Variants in GINS2 observed in about 807,000 individuals in gnomAD.
The protein encoded by GINS2 is DNA replication complex GINS protein PSF2.
A neutral mutation model predicts 21.2 loss-of-function variants in GINS2; 23 were observed. The observed-to-expected ratio is 1.08, with a 90% CI of 0.78 to 1.53. The LOEUF (loss-of-function observed/expected upper bound fraction) is 1.53. Ranked by LOEUF, GINS2 falls within the 40% of genes most tolerant of loss-of-function variation. The probability of loss-of-function intolerance (pLI) is 0.00; values close to 1 mark genes in which losing one functional copy is unlikely to be tolerated. For missense variants in GINS2, 323 were observed against 233.9 expected (o/e 1.38, Z -2.49); for synonymous variants, 118 against 85.6 (o/e 1.38, Z -2.09).
At chr16:85,686,324 G>C (rs1437754069) in intron 2 of GINS2, among the ~76,000 whole-genome samples, 1 of 151,860 alleles carries the variant, frequency 6.6e-6, no homozygotes, top group Non-Finnish European at 1.5e-5. Flanking sequence ...AGGCTGACGC[G>C]GGAGAATGGT....
Position 85,677,829 on chromosome 16 carries a change from C to T in GINS2, c.*383G>A, listed in dbSNP as rs1396152623. ...TCAGGATCAAGAAGGGGTAAAAAGC[C>T]GTGGACCACATGGCCACTCCTGCTG... On this transcript the variant is annotated 3_prime_UTR_variant, in exon 5 of 5. Transcript: ENST00000253462. 1.2e-5 allele frequency: 2 copies of T among 170,696 alleles called. No individual in the cohort carries two copies. Among genetic ancestry groups the T allele is most frequent in the East Asian group, 3.5e-4 (2 of 5,768 alleles). 10.6% of individuals were successfully genotyped at this position (170,696 alleles called of 1,614,324 possible). A position where few individuals can be genotyped will look rare whatever the true frequency, so the allele number is the denominator to read the frequency against.
chr16:85,678,949 G>C (rs539736311), intron 3 of GINS2, among the ~76,000 whole-genome samples: 1 of 152,232 alleles, frequency 6.6e-6, no homozygotes, highest in Non-Finnish European at 1.5e-5. Flanking sequence ...CTCTAAGTCA[G>C]AAGCCTCTGT....
chr16:85,687,899 C>T (rs1598764305), intron 1 of GINS2: 5 of 197,006 alleles, frequency 2.5e-5, no homozygotes, highest in South Asian at 3.1e-4. Flanking sequence ...TCCTGGGGTG[C>T]GGGGAGGTGG....
At chr16:85,680,478 G>T (rs544672321) in intron 3 of GINS2, among the ~76,000 whole-genome samples, 4 of 152,106 alleles carry the variant, frequency 2.6e-5, no homozygotes, top group Admixed American at 6.6e-5. Context: ...TATCTCCCAA[G>T]CAAAATTATC....
intron 2 of GINS2, among the ~76,000 whole-genome samples, chr16:85,686,780 C>T (rs1345667009): frequency 6.6e-6 from 1 of 152,172 alleles, no homozygotes; most frequent in African/African-American, 2.4e-5. Context: ...CTTTTTATAG[C>T]TGAATAATAT....
chr16:85,680,188 G>A (rs959493778), intron 3 of GINS2, among the ~76,000 whole-genome samples: 3 of 152,200 alleles, frequency 2.0e-5, no homozygotes, highest in Middle Eastern at 3.2e-3. Context: ...AAACGCCACT[G>A]CCGAGTGGAA....
intron 2 of GINS2, among the ~76,000 whole-genome samples, chr16:85,685,925 A>G (rs1178078693): frequency 2.1e-5 from 3 of 143,076 alleles, no homozygotes. Flanking sequence ...CCATAAAAAG[A>G]AAAAAAAAAA....
chr16:85,681,747 T>C, intron 2 of GINS2, 66 bp from the exon 3 acceptor site: 2 of 955,644 alleles, frequency 2.1e-6, no homozygotes, highest in South Asian at 2.9e-5. Context: ...ACCTTCCAAA[T>C]TTACCAAGTG....
chr16:85,678,440 C>T, intron 4 of GINS2, 100 bp downstream of exon 4: 1 of 1,549,636 alleles, frequency 6.5e-7, no homozygotes, highest in Non-Finnish European at 8.9e-7. Flanking sequence ...TGTTGAAAAG[C>T]ACAGCTAGTA....
At chr16:85,678,387 A>G in intron 4 of GINS2, 50 bp from the exon 5 acceptor site, 4 of 1,603,174 alleles carry the variant, frequency 2.5e-6, no homozygotes, top group Non-Finnish European at 8.5e-7. Flanking sequence ...TGATTTTGAG[A>G]AAAAGGTAAA....
In GINS2 at chr16:85,688,738, C is replaced by T. The variant is rs1048012455; in HGVS notation, c.90+71G>A. 13 of 902,610 alleles carry T rather than the reference C, an allele frequency of 1.4e-5. No individual in the cohort carries two copies. In the African/African-American group the frequency reaches 2.3e-4, roughly 16 times the overall value. The allele number at this position is 902,610 out of a possible 1,614,324, so 55.9% of individuals were successfully genotyped here. A position where few individuals can be genotyped will look rare whatever the true frequency, so the allele number is the denominator to read the frequency against. On this transcript the variant is annotated intron_variant, in intron 1 of 4. Coordinates refer to ENST00000253462, the MANE Select transcript of GINS2 (RefSeq NM_016095.3). ...GCAGGGCGAGCCCGCGACCCCGGGG[C>T]TGAAGGCCACGCGGGAGCCCCGGAC...
intron 2 of GINS2, among the ~76,000 whole-genome samples, chr16:85,685,676 A>AAAAAAAAAAAAAAAAC (rs2053769009): frequency 1.4e-5 from 2 of 147,502 alleles, no homozygotes; most frequent in Admixed American, 1.3e-4. Flanking sequence ...TTCTCAAAAA[A>AAAAAAAAAAAAAAAAC]AAAAAAAAAA....
intron 3 of GINS2, 43 bp downstream of exon 3, chr16:85,681,539 G>C (rs2053732896): frequency 8.8e-7 from 1 of 1,140,022 alleles, no homozygotes; most frequent in Non-Finnish European, 1.3e-6. Flanking sequence ...GGCATGGCGA[G>C]TCCAGTCTTG....
At chr16:85,688,433 C>A (rs1248675543) in intron 1 of GINS2, among the ~76,000 whole-genome samples, 1 of 152,042 alleles carries the variant, frequency 6.6e-6, no homozygotes, top group African/African-American at 2.4e-5. Context: ...GTAACAGCAG[C>A]TACTCAGGAG....
Position 85,678,333 on chromosome 16 carries a change from T to C in GINS2, c.437A>G (p.Asp146Gly), listed in dbSNP as rs768469904. ...GTTGATCTCCATCAAGGTCAAGTTA[T>C]CCAGCTAAAGCAAGAAAACAGACCA... ...VRQQEAHAKL[D>G]NLTLMEINTS... The change falls in exon 5 of 5, where the codon GAT becomes GGT. Residue 146 changes from aspartate (D) to glycine (G), a missense_variant. Physicochemically the swap from Asp to Gly is moderately conservative, Grantham distance 94 (BLOSUM62 -1). Coordinates refer to ENST00000253462, the MANE Select transcript of GINS2 (RefSeq NM_016095.3). 9 of 1,613,912 alleles carry C rather than the reference T, an allele frequency of 5.6e-6. No individual in the cohort carries two copies. The highest frequency in any genetic ancestry group is 4.5e-5 in the East Asian group (2 of 44,900).
At position 85,680,748 on chromosome 16, in the gene GINS2, G is replaced by C. The variant is rs999302966; in HGVS notation, c.305+834C>G. ...CAGAGGTGAGCAGGGGCAGGGAAAG[G>C]ACAGACTTACAGGGCAGAGAACAGT... On this transcript the variant is annotated intron_variant, in intron 3 of 4. Coordinates refer to ENST00000253462, the MANE Select transcript of GINS2 (RefSeq NM_016095.3). Among the ~76,000 whole-genome samples the C allele has an allele frequency of 2.0e-5, 3 of 152,228 alleles. No homozygotes were observed. The South Asian group carries it at 6.2e-4, about 32-fold the overall frequency.
Position 85,678,016 on chromosome 16 carries a change from TGAA to T in GINS2, c.*193_*195del. On this transcript the variant is annotated 3_prime_UTR_variant, in exon 5 of 5. Transcript: ENST00000253462. ...TGGTTTCTAGAAACAGATGTGGAAT[TGAA>T]GAATGTCCCAGGGAGCTAAGTTTTA... The T allele has an allele frequency of 1.9e-6, 1 of 513,462 alleles. No homozygotes were observed. The highest frequency in any genetic ancestry group is 3.4e-6 in the Non-Finnish European group (1 of 290,690). The allele number at this position is 513,462 out of a possible 1,614,324, so 31.8% of individuals were successfully genotyped here.
intron 1 of GINS2, 167 bp from the exon 2 acceptor site, chr16:85,687,741 G>T (rs1015499032): frequency 6.1e-6 from 3 of 490,342 alleles, no homozygotes; most frequent in East Asian, 6.8e-5. Flanking sequence ...CCTCCTGAGC[G>T]GCTCCGAGAC....
chr16:85,682,558 G>A (rs11117249), intron 2 of GINS2, among the ~76,000 whole-genome samples: 51,702 of 149,074 alleles, frequency 0.35, 9,061 homozygotes, highest in East Asian at 0.5. Flanking sequence ...TGGCCTGGGC[G>A]CGATACAATA....
Sources: allele counts gnomAD v4.1 joint callset (sites outside exome capture counted in the v4.1 genomes callset), GRCh38; gene constraint gnomAD v4.1.1; transcripts MANE v1.5; gene names NCBI Gene and HGNC (gene_info 2026-07-23, HGNC 2026-07-21).